Variants in PCDH15 observed in about 807,000 individuals in gnomAD.
The protein encoded by PCDH15 is protocadherin-15.
In PCDH15, 129 loss-of-function variants were observed where a neutral mutation model predicts 178.5. The observed-to-expected ratio is 0.72, with a 90% CI of 0.63 to 0.84. The LOEUF is 0.84. Ranked by LOEUF, PCDH15 falls within the 40% of genes least tolerant of loss-of-function variation. The pLI is 0.00. For synonymous variants in PCDH15, 800 were observed against 732.0 expected, an observed-to-expected ratio of 1.09 and a Z score of -1.50; for missense variants, 2,230 against 2,099.9, an observed-to-expected ratio of 1.06 and a Z score of -1.21.
At chr10:55,349,183 T>C (rs983091610) in intron 2 of PCDH15, among the ~76,000 whole-genome samples, 8 of 152,096 alleles carry the variant, frequency 5.3e-5, no homozygotes, top group South Asian at 2.1e-4. Flanking sequence ...CAGAGACTTA[T>C]ATTGTGCTAG....
At chr10:54,187,381 G>A (rs577810100) in intron 11 of PCDH15, among the ~76,000 whole-genome samples, 53 of 151,984 alleles carry the variant, frequency 3.5e-4, no homozygotes, top group Non-Finnish European at 6.2e-4. Context: ...TAAGTATTGA[G>A]TTGTCAACTA....
At chr10:54,853,440 CAT>C (rs571051361) in intron 3 of PCDH15, among the ~76,000 whole-genome samples, 1,504 of 85,998 alleles carry the variant, frequency 0.017, 27 homozygotes, top group African/African-American at 0.047. Context: ...TACACATACA[CAT>C]ATATATATAT....
chr10:54,627,579 C>A (rs1039986206), intron 2 of PCDH15, among the ~76,000 whole-genome samples: 3 of 152,176 alleles, frequency 2.0e-5, no homozygotes, highest in Admixed American at 2.0e-4. Flanking sequence ...GTGAGTTTTC[C>A]ATTAAACTTC....
rs1843037223 is a variant in PCDH15 at position 55,600,020 on chromosome 10, T to G, written c.-156+27605A>C. ...TGGAGCTTGAATTCATTAATGCAAA[T>G]AGATTCAAACAAGCCAACAGGCCCC... On this transcript the variant is annotated intron_variant, in intron 2 of 5. Transcript: ENST00000613346. 1.6e-5 allele frequency: 21 copies of G among 1,291,458 alleles called. 1 individual carries two copies. Among genetic ancestry groups the G allele is most frequent in the Non-Finnish European group, 2.1e-5 (21 of 979,122 alleles). The allele number at this position is 1,291,458 out of a possible 1,614,324, so 80.0% of individuals were successfully genotyped here.
chr10:54,439,707 C>T (rs1253900583), intron 3 of PCDH15, among the ~76,000 whole-genome samples: 1 of 151,310 alleles, frequency 6.6e-6, no homozygotes, highest in African/African-American at 2.5e-5. Flanking sequence ...AGTTAAACTG[C>T]CCTCATCTTT....
chr10:55,073,809 G>C (rs1036145936), intron 2 of PCDH15, among the ~76,000 whole-genome samples: 2 of 151,918 alleles, frequency 1.3e-5, no homozygotes, highest in African/African-American at 4.8e-5. Flanking sequence ...TTTTATTACT[G>C]ATTTATTCTC....
intron 2 of PCDH15, among the ~76,000 whole-genome samples, chr10:54,978,790 C>T (rs763276971): frequency 3.3e-5 from 5 of 152,120 alleles, no homozygotes; most frequent in African/African-American, 9.6e-5. Context: ...ATTTGAGATG[C>T]TATTTAAGCC....
intron 26 of PCDH15, among the ~76,000 whole-genome samples, chr10:53,891,797 A>T (rs1313974789): frequency 6.2e-5 from 1 of 16,210 alleles, no homozygotes; most frequent in Non-Finnish European, 1.5e-4. Context: ...TACTAAAAAT[A>T]AAAAAAAAAA....
rs1241789470 is a variant in PCDH15 at position 54,369,135 on chromosome 10, A to G, written c.459T>C (p.Tyr153=). Reference sequence around the variant, plus strand: ...AGAAACTGACCTCATTCACTGTGGCATAGTAGCTTTCATGCTTGAAAGTGG... The same window carrying G: ...AGAAACTGACCTCATTCACTGTGGCGTAGTAGCTTTCATGCTTGAAAGTGG... ...NSPTFKHESY[Y]ATVNELTPVG... The change falls in exon 5 of 38, where the codon TAT becomes TAC. Residue 153 remains tyrosine (Y), a synonymous_variant. Coordinates refer to ENST00000644397, the MANE Select transcript of PCDH15 (RefSeq NM_001384140.1). 1 of 1,612,978 alleles carries G rather than the reference A, an allele frequency of 6.2e-7. No individual in the cohort carries two copies. Among genetic ancestry groups the G allele is most frequent in the Admixed American group, 1.7e-5 (1 of 59,848 alleles).
intron 9 of PCDH15, among the ~76,000 whole-genome samples, chr10:54,222,707 G>A (rs146504782): frequency 6.6e-6 from 1 of 152,206 alleles, no homozygotes; most frequent in African/African-American, 2.4e-5. Context: ...TATTCATTGA[G>A]GTATTAATTT....
At chr10:53,834,629 A>C (rs1330058926) in intron 29 of PCDH15, among the ~76,000 whole-genome samples, 2 of 152,052 alleles carry the variant, frequency 1.3e-5, no homozygotes, top group Non-Finnish European at 2.9e-5. Context: ...GATGTAGCCA[A>C]CATGAATTGA....
intron 2 of PCDH15, among the ~76,000 whole-genome samples, chr10:55,004,151 G>A (rs1297580627): frequency 6.6e-6 from 1 of 152,152 alleles, no homozygotes; most frequent in Non-Finnish European, 1.5e-5. Flanking sequence ...GGAAGTGGGG[G>A]AATGGAGAGA....
chr10:54,414,676 A>G (rs1393361810), intron 3 of PCDH15, among the ~76,000 whole-genome samples: 2 of 152,126 alleles, frequency 1.3e-5, no homozygotes, highest in East Asian at 3.8e-4. Context: ...CTTACAAGTT[A>G]AAAATTTTAA....
intron 1 of PCDH15, among the ~76,000 whole-genome samples, chr10:55,201,887 A>T (rs1840261515): frequency 6.6e-6 from 1 of 152,130 alleles, no homozygotes; most frequent in South Asian, 2.1e-4. Flanking sequence ...AAAATTTTGC[A>T]TAATAAAAGG....
intron 2 of PCDH15, among the ~76,000 whole-genome samples, chr10:55,353,816 T>C (rs771905490): frequency 2.6e-5 from 4 of 151,998 alleles, no homozygotes; most frequent in Non-Finnish European, 4.4e-5. Flanking sequence ...ATTGCAGGAG[T>C]ACTGTCCCGT....
chr10:54,797,338 A>C (rs569811140), intron 1 of PCDH15, among the ~76,000 whole-genome samples: 2 of 152,150 alleles, frequency 1.3e-5, no homozygotes, highest in South Asian at 2.1e-4. Context: ...TTTTTGAAAT[A>C]ATGACTGCTT....
chr10:54,369,017 G>A, intron 5 of PCDH15, 103 bp downstream of exon 5: 2 of 1,309,582 alleles, frequency 1.5e-6, no homozygotes, highest in Non-Finnish European at 1.1e-6. Context: ...TTTCTAAACA[G>A]TTAAGCTCAT....
At chr10:55,163,726 A>G (rs1001129507) in intron 2 of PCDH15, among the ~76,000 whole-genome samples, 17 of 152,116 alleles carry the variant, frequency 1.1e-4, no homozygotes, top group African/African-American at 4.1e-4. Flanking sequence ...ATGCTAAAAG[A>G]CACTCCCACC....
At chr10:55,464,416 GA>G (rs964294174) in intron 2 of PCDH15, among the ~76,000 whole-genome samples, 6 of 151,338 alleles carry the variant, frequency 4.0e-5, no homozygotes, top group African/African-American at 1.2e-4. Flanking sequence ...AACAATGAAA[GA>G]AAAAAAAGAA....
Sources: allele counts gnomAD v4.1 joint callset (sites outside exome capture counted in the v4.1 genomes callset), GRCh38; gene constraint gnomAD v4.1.1; transcripts MANE v1.5; gene names NCBI Gene and HGNC (gene_info 2026-07-23, HGNC 2026-07-21).